TMCC1: variants seen among roughly 807,000 people sequenced by gnomAD.
TMCC1 encodes the protein transmembrane and coiled-coil domains protein 1.
A neutral mutation model predicts 52.4 loss-of-function variants in TMCC1; 15 were observed. That is an observed-to-expected ratio of 0.29 (90% confidence interval 0.19 to 0.44). The LOEUF (loss-of-function observed/expected upper bound fraction) is 0.44, where lower values mean the gene tolerates loss of function less well. Among genes scored for constraint, TMCC1 ranks in the 20% least tolerant of loss-of-function variants. The pLI is 1.00. For synonymous variants in TMCC1, 279 were observed against 301.9 expected (o/e 0.92, Z 0.79); for missense variants, 503 against 806.0 (o/e 0.62, Z 4.55).
intron 4 of TMCC1, among the ~76,000 whole-genome samples, chr3:129,797,329 CA>C (rs534195938): frequency 6.7e-4 from 78 of 115,794 alleles, no homozygotes; most frequent in East Asian, 1.5e-3. Context: ...CCATCTCAAA[CA>C]AAAAAAAAAA....
rs575182999 is a variant in TMCC1, at chr3:129,845,778, A to T, written c.-183-12952T>A. On this transcript the variant is annotated intron_variant, in intron 2 of 6. Transcript: ENST00000393238. ...ATGGCAAGTCATGAAATATCAGGTA[A>T]AATACCCTGAAATTCCATCTAATCT... is the stretch of plus-strand genomic sequence containing the variant. 2.6e-5 allele frequency among the ~76,000 whole-genome samples: 4 copies of T among 152,248 alleles called. No individual in the cohort carries two copies. The East Asian group carries it at 7.8e-4, about 30-fold the overall frequency.
chr3:129,680,522 C>G (rs2088874219), intron 4 of TMCC1, among the ~76,000 whole-genome samples: 1 of 152,170 alleles, frequency 6.6e-6, no homozygotes, highest in African/African-American at 2.4e-5. Context: ...CTTTAGAGTC[C>G]TTGCTATTCA....
At chr3:129,749,780 C>T (rs1383730543) in intron 4 of TMCC1, among the ~76,000 whole-genome samples, 1 of 152,130 alleles carries the variant, frequency 6.6e-6, no homozygotes, top group African/African-American at 2.4e-5. Context: ...AATCAATGTT[C>T]CAGAAACACA....
At position 129,721,250 on chromosome 3, in the gene TMCC1, CTT is replaced by C. The variant is rs2049558478; in HGVS notation, c.577-49988_577-49987del. On this transcript the variant is annotated intron_variant, in intron 4 of 6. Transcript: ENST00000393238. ...CTCTTTCAAGCCTTCCTTCAAATGT[CTT>C]GTTTTAAATGAAGCTTATGCTTACT... Among the ~76,000 whole-genome samples, 5 of 152,276 alleles carry C rather than the reference CTT, an allele frequency of 3.3e-5. No homozygotes were observed. In the South Asian group the frequency reaches 1.0e-3, roughly 32 times the overall value.
intron 4 of TMCC1, among the ~76,000 whole-genome samples, chr3:129,750,273 C>T (rs1243573925): frequency 1.3e-5 from 2 of 152,120 alleles, no homozygotes; most frequent in Non-Finnish European, 2.9e-5. Context: ...TCACTGCAAC[C>T]TCTGCCTCCT....
At chr3:129,720,629 C>A (rs1306368442) in intron 4 of TMCC1, among the ~76,000 whole-genome samples, 1 of 152,182 alleles carries the variant, frequency 6.6e-6, no homozygotes, top group Non-Finnish European at 1.5e-5. Flanking sequence ...CTAAGAACCA[C>A]CTAGTGGAGC....
At chr3:129,745,478 T>C (rs1291412388) in intron 4 of TMCC1, among the ~76,000 whole-genome samples, 2 of 152,218 alleles carry the variant, frequency 1.3e-5, no homozygotes, top group Admixed American at 6.5e-5. Context: ...TCAGAGCAAA[T>C]GCCCTGATGG....
intron 4 of TMCC1, among the ~76,000 whole-genome samples, chr3:129,797,386 A>C (rs1451854857): frequency 6.6e-6 from 1 of 152,108 alleles, no homozygotes; most frequent in Non-Finnish European, 1.5e-5. Context: ...AGATGCATCA[A>C]ATTCAAACAA....
Position 129,649,983 on chromosome 3 carries a change from G to A in TMCC1, c.*1498C>T, listed in dbSNP as rs1009172626. 6.6e-6 allele frequency: 1 copy of A among 152,590 alleles called. No individual in the cohort carries two copies. The highest frequency in any genetic ancestry group is 2.4e-5 in the African/African-American group (1 of 41,420). The allele number at this position is 152,590 out of a possible 1,614,324, so 9.5% of individuals were successfully genotyped here. A position where few individuals can be genotyped will look rare whatever the true frequency, so the allele number is the denominator to read the frequency against. On this transcript the variant is annotated 3_prime_UTR_variant, in exon 7 of 7. Transcript: ENST00000393238. ...AACAAGTCCGTTTACATTATAGGAA[G>A]CTGGCAACATTTCACACCCAAAACT...
chr3:129,841,326 C>T (rs532861025), intron 2 of TMCC1, among the ~76,000 whole-genome samples: 1 of 152,314 alleles, frequency 6.6e-6, no homozygotes, highest in African/African-American at 2.4e-5. Context: ...GTGGCTCATG[C>T]CTGTAATCCC....
chr3:129,886,000 C>T (rs2061682796), intron 1 of TMCC1, among the ~76,000 whole-genome samples: 1 of 152,160 alleles, frequency 6.6e-6, no homozygotes, highest in South Asian at 2.1e-4. Context: ...CTCAGCCTCC[C>T]AAAGTGCTGG....
At chr3:129,689,848 T>C (rs1156280125) in intron 4 of TMCC1, among the ~76,000 whole-genome samples, 1 of 152,212 alleles carries the variant, frequency 6.6e-6, no homozygotes, top group African/African-American at 2.4e-5. Context: ...TAATAAAGAA[T>C]TTGATTTAAT....
rs552445667 is a variant in TMCC1 at position 129,762,946 on chromosome 3, C to T, written c.576+64857G>A. On this transcript the variant is annotated intron_variant, in intron 4 of 6. Transcript: ENST00000393238. ...GGGCGCGGTGGCTCACGCCTGTAAT[C>T]CCAGCACTTTGGGAGGCTGAGGTGG... Among the ~76,000 whole-genome samples, 3 of 152,080 alleles carry T rather than the reference C, an allele frequency of 2.0e-5. No homozygotes were observed. In the South Asian group the frequency reaches 6.2e-4, roughly 32 times the overall value.
intron 5 of TMCC1, among the ~76,000 whole-genome samples, chr3:129,662,410 CAACTGCAG>C (rs1454236067): frequency 6.6e-6 from 1 of 152,118 alleles, no homozygotes; most frequent in Non-Finnish European, 1.5e-5. Context: ...GTACCATAGG[CAACTGCAG>C]ACAGCTGTAA....
intron 4 of TMCC1, among the ~76,000 whole-genome samples, chr3:129,797,367 G>A (rs1174541530): frequency 6.6e-6 from 1 of 151,438 alleles, no homozygotes; most frequent in Non-Finnish European, 1.5e-5. Context: ...ATCTCGGGAA[G>A]AGCAGAGAAG....
At chr3:129,654,064 G>A (rs542702534) in intron 6 of TMCC1, among the ~76,000 whole-genome samples, 2 of 152,084 alleles carry the variant, frequency 1.3e-5, no homozygotes, top group African/African-American at 2.4e-5. Context: ...TCTCCTCAAG[G>A]TCATAGCCTT....
At chr3:129,803,785 A>T (rs2057317469) in intron 4 of TMCC1, among the ~76,000 whole-genome samples, 1 of 152,174 alleles carries the variant, frequency 6.6e-6, no homozygotes, top group African/African-American at 2.4e-5. Flanking sequence ...CTTATTACTC[A>T]TAATCACACA....
chr3:129,825,661 A>C (rs948751521), intron 4 of TMCC1, among the ~76,000 whole-genome samples: 3 of 152,212 alleles, frequency 2.0e-5, no homozygotes, highest in Admixed American at 2.0e-4. Flanking sequence ...AAAGTATTAC[A>C]CTAAATGAAA....
At chr3:129,696,295 T>C (rs1359366486) in intron 4 of TMCC1, among the ~76,000 whole-genome samples, 4 of 152,216 alleles carry the variant, frequency 2.6e-5, no homozygotes, top group African/African-American at 9.7e-5. Context: ...ACTCAACCAA[T>C]TGTAAACCAG....
Sources: allele counts gnomAD v4.1 joint callset (sites outside exome capture counted in the v4.1 genomes callset), GRCh38; gene constraint gnomAD v4.1.1; transcripts MANE v1.5; gene names NCBI Gene and HGNC (gene_info 2026-07-23, HGNC 2026-07-21).